PDE4D: variants seen among roughly 807,000 people sequenced by gnomAD.
PDE4D encodes 3',5'-cyclic-AMP phosphodiesterase 4D.
In PDE4D, 24 loss-of-function variants were observed where a neutral mutation model predicts 87.4. The ratio of observed to expected loss-of-function variants is 0.27; its 90% CI spans 0.20 to 0.39. The LOEUF is 0.39. PDE4D is among the 10% of genes least tolerant of loss of function. The probability of loss-of-function intolerance (pLI) is 1.00; values close to 1 mark genes in which losing one functional copy is unlikely to be tolerated. For missense variants in PDE4D, 714 were observed against 1,041.0 expected (o/e 0.69, Z 4.32); for synonymous variants, 384 against 383.2 (o/e 1.00, Z -0.02).
intron 1 of PDE4D, among the ~76,000 whole-genome samples, chr5:60,357,233 A>T (rs1005209918): frequency 1.3e-5 from 2 of 152,014 alleles, no homozygotes; most frequent in Non-Finnish European, 2.9e-5. Flanking sequence ...CAAAAATCTA[A>T]CTTTATCATG....
chr5:60,491,723 TC>T (rs142962737), upstream of PDE4D, among the ~76,000 whole-genome samples: 5,271 of 152,288 alleles, frequency 0.035, 138 homozygotes, highest in Non-Finnish European at 0.049. Context: ...TAAAACCATA[TC>T]TTTGCTTTAA....
chr5:59,282,546 G>A (rs1032186642), intron 1 of PDE4D, among the ~76,000 whole-genome samples: 1 of 150,720 alleles, frequency 6.6e-6, no homozygotes, highest in African/African-American at 2.4e-5. Context: ...GGGAGGCTGA[G>A]GCAGGAGAAT....
chr5:60,080,841 C>CT (rs1198267199), intron 2 of PDE4D, among the ~76,000 whole-genome samples: 22 of 152,094 alleles, frequency 1.4e-4, no homozygotes, highest in Non-Finnish European at 2.4e-4. Flanking sequence ...TGAAGTTTTC[C>CT]TTTTTTGTTG....
intron 6 of PDE4D, among the ~76,000 whole-genome samples, chr5:59,011,350 G>A (rs1356767349): frequency 6.6e-6 from 1 of 152,158 alleles, no homozygotes; most frequent in East Asian, 1.9e-4. Context: ...ACTTTTCCGA[G>A]CTAAAGGAGG....
At chr5:59,129,162 T>C (rs1775922968) in intron 5 of PDE4D, among the ~76,000 whole-genome samples, 2 of 152,260 alleles carry the variant, frequency 1.3e-5, no homozygotes, top group African/African-American at 2.4e-5. Flanking sequence ...TGAATTATAA[T>C]GAGTTTCTCC....
intron 3 of PDE4D, among the ~76,000 whole-genome samples, chr5:59,904,266 T>G (rs1381265477): frequency 1.3e-5 from 2 of 152,130 alleles, no homozygotes; most frequent in African/African-American, 4.8e-5. Context: ...TGTTTCTTTC[T>G]TTCTCCCCGA....
intron 2 of PDE4D, among the ~76,000 whole-genome samples, chr5:59,993,601 T>G (rs1017983597): frequency 6.6e-6 from 1 of 152,162 alleles, no homozygotes; most frequent in Non-Finnish European, 1.5e-5. Flanking sequence ...TGTTTAAGGA[T>G]GTATCCTAAT....
intron 1 of PDE4D, among the ~76,000 whole-genome samples, chr5:60,214,311 T>C (rs1743591560): frequency 6.6e-6 from 1 of 152,218 alleles, no homozygotes; most frequent in South Asian, 2.1e-4. Context: ...CACTTTTCTA[T>C]TTTCTCCAGC....
At chr5:59,250,533 T>C (rs1382445765) in intron 1 of PDE4D, among the ~76,000 whole-genome samples, 2 of 151,058 alleles carry the variant, frequency 1.3e-5, no homozygotes, top group Admixed American at 6.6e-5. Flanking sequence ...AAAAAGAATA[T>C]GTAAGGGTCA....
chr5:59,598,636 C>T (rs1045082957), intron 1 of PDE4D, among the ~76,000 whole-genome samples: 6 of 152,068 alleles, frequency 3.9e-5, no homozygotes, highest in African/African-American at 1.4e-4. Flanking sequence ...CTGTGATAGC[C>T]CCAAATCCCT....
intron 1 of PDE4D, among the ~76,000 whole-genome samples, chr5:60,212,831 C>T (rs1374719012): frequency 1.3e-5 from 2 of 152,204 alleles, no homozygotes; most frequent in African/African-American, 4.8e-5. Flanking sequence ...GAAAAGATGT[C>T]ATACTACAAA....
intron 2 of PDE4D, among the ~76,000 whole-genome samples, chr5:60,110,525 A>T (rs185983739): frequency 1.3e-5 from 2 of 152,280 alleles, no homozygotes; most frequent in African/African-American, 4.8e-5. Context: ...AGATGCAGAG[A>T]AAAGGCAACT....
At chr5:60,422,724 G>A in intron 1 of PDE4D, among the ~76,000 whole-genome samples, 1 of 152,144 alleles carries the variant, frequency 6.6e-6, no homozygotes, top group African/African-American at 2.4e-5. Flanking sequence ...TGGGCTAAAT[G>A]CTCCAATTAA....
intron 3 of PDE4D, among the ~76,000 whole-genome samples, chr5:59,962,995 A>G (rs1759644957): frequency 6.6e-6 from 1 of 152,186 alleles, no homozygotes; most frequent in Non-Finnish European, 1.5e-5. Context: ...AAGAGAAACT[A>G]AAAGACTGGA....
At chr5:60,394,397 A>T (rs1762753426) in intron 1 of PDE4D, among the ~76,000 whole-genome samples, 1 of 152,248 alleles carries the variant, frequency 6.6e-6, no homozygotes, top group Non-Finnish European at 1.5e-5. Context: ...AATGGGGATA[A>T]GAATGCTCAC....
rs577402506 is a variant in PDE4D, at chr5:59,308,680, G to A, written c.456-92712C>T. Among the ~76,000 whole-genome samples the A allele has an allele frequency of 6.6e-5, 10 of 151,996 alleles. 1 individual carries two copies. Among genetic ancestry groups the A allele is most frequent in the African/African-American group, 1.7e-4 (7 of 41,440 alleles). On this transcript the variant is annotated intron_variant, in intron 1 of 14. Coordinates refer to ENST00000340635, the MANE Select transcript of PDE4D (RefSeq NM_001104631.2). Reference sequence around the variant, plus strand: ...GGGGTAGGGGTTGGGGGGCGCAATGGGCTCTGTGGGGGTTCTTAGCTTTCG... The same window carrying A: ...GGGGTAGGGGTTGGGGGGCGCAATGAGCTCTGTGGGGGTTCTTAGCTTTCG...
chr5:59,631,153 T>C (rs561035231), intron 1 of PDE4D, among the ~76,000 whole-genome samples: 3 of 152,202 alleles, frequency 2.0e-5, no homozygotes, highest in Non-Finnish European at 4.4e-5. Flanking sequence ...TTGCATTATG[T>C]CATTTTATCT....
intron 3 of PDE4D, among the ~76,000 whole-genome samples, chr5:59,975,315 C>G (rs1385241048): frequency 6.6e-6 from 1 of 152,176 alleles, no homozygotes; most frequent in African/African-American, 2.4e-5. Context: ...TCACCCTCTT[C>G]CCTGACACCC....
intron 1 of PDE4D, among the ~76,000 whole-genome samples, chr5:60,319,645 G>A (rs949782507): frequency 5.9e-5 from 9 of 152,118 alleles, no homozygotes; most frequent in African/African-American, 2.2e-4. Context: ...TGATGGTGAC[G>A]TACACATGAG....
Sources: allele counts gnomAD v4.1 joint callset (sites outside exome capture counted in the v4.1 genomes callset), GRCh38; gene constraint gnomAD v4.1.1; transcripts MANE v1.5; gene names NCBI Gene and HGNC (gene_info 2026-07-23, HGNC 2026-07-21).